Variants in NUBPL observed in about 807,000 individuals in gnomAD.
NUBPL encodes NUBP iron-sulfur cluster assembly factor, mitochondrial.
NUBPL carries 31 observed loss-of-function variants against 45.7 expected under a neutral mutation model. That is an observed-to-expected ratio of 0.68 (90% CI 0.51 to 0.92). The LOEUF (loss-of-function observed/expected upper bound fraction) is 0.92. Ranked by LOEUF, NUBPL falls within the 40% of genes least tolerant of loss-of-function variation. The pLI, the probability that NUBPL is intolerant of heterozygous loss-of-function variation, is 0.00. For missense variants in NUBPL, 401 were observed against 398.7 expected, an observed-to-expected ratio of 1.01 and a Z score of -0.05; for synonymous variants, 144 against 140.9, an observed-to-expected ratio of 1.02 and a Z score of -0.15.
intron 6 of NUBPL, among the ~76,000 whole-genome samples, chr14:31,743,545 A>G (rs901410330): frequency 1.3e-5 from 2 of 151,934 alleles, no homozygotes; most frequent in Non-Finnish European, 2.9e-5. Context: ...ACGCCCAGCT[A>G]ATTTTTGTAT....
chr14:31,633,359 T>A (rs1313411581), intron 4 of NUBPL, among the ~76,000 whole-genome samples: 1 of 152,204 alleles, frequency 6.6e-6, no homozygotes, highest in Non-Finnish European at 1.5e-5. Context: ...TTTTAAAAAA[T>A]TTCAGAAACA....
intron 4 of NUBPL, among the ~76,000 whole-genome samples, chr14:31,645,866 G>T (rs773794106): frequency 1.4e-5 from 2 of 138,622 alleles, no homozygotes; most frequent in Non-Finnish European, 3.0e-5. Context: ...TACTGTTTTC[G>T]ATAGATTTCT....
At chr14:31,683,789 G>A (rs2036893091) in intron 6 of NUBPL, among the ~76,000 whole-genome samples, 1 of 151,872 alleles carries the variant, frequency 6.6e-6, no homozygotes, top group South Asian at 2.1e-4. Context: ...TGGGTCTGCT[G>A]GTGATGAATT....
chr14:31,850,731 G>A (rs1459222232), intron 10 of NUBPL, among the ~76,000 whole-genome samples: 5 of 151,676 alleles, frequency 3.3e-5, no homozygotes, highest in Admixed American at 2.0e-4. Context: ...AGCAATCTTC[G>A]CATCTCACCC....
At chr14:31,826,299 T>G (rs932071281) in intron 7 of NUBPL, among the ~76,000 whole-genome samples, 1 of 151,868 alleles carries the variant, frequency 6.6e-6, no homozygotes, top group Non-Finnish European at 1.5e-5. Flanking sequence ...TTTTGTATTT[T>G]TAGTAGTTAC....
At chr14:31,700,606 G>A (rs1239637035) in intron 6 of NUBPL, among the ~76,000 whole-genome samples, 2 of 152,176 alleles carry the variant, frequency 1.3e-5, no homozygotes, top group East Asian at 3.9e-4. Context: ...CGAGTTCCGG[G>A]TGGGCGCAGG....
intron 3 of NUBPL, among the ~76,000 whole-genome samples, chr14:31,573,715 T>C (rs1450547384): frequency 1.2e-4 from 18 of 152,236 alleles, no homozygotes; most frequent in Admixed American, 1.2e-3. Flanking sequence ...ATTGTGGATC[T>C]TCTGTGATGA....
chr14:31,700,478 G>A (rs2037306395), intron 6 of NUBPL, among the ~76,000 whole-genome samples: 1 of 152,210 alleles, frequency 6.6e-6, no homozygotes, highest in African/African-American at 2.4e-5. Context: ...CTGCTGCACT[G>A]TGGGAGCCCC....
intron 6 of NUBPL, among the ~76,000 whole-genome samples, chr14:31,677,474 G>C (rs1206433009): frequency 2.0e-5 from 3 of 152,198 alleles, no homozygotes; most frequent in Non-Finnish European, 2.9e-5. Flanking sequence ...TCAGATATTT[G>C]AGAGGACTTG....
At chr14:31,617,410 G>C (rs1421112499) in intron 4 of NUBPL, among the ~76,000 whole-genome samples, 2 of 152,138 alleles carry the variant, frequency 1.3e-5, no homozygotes, top group African/African-American at 2.4e-5. Context: ...TTGGCTGTGG[G>C]TTTGTCATAA....
chr14:31,610,499 A>G (rs774797357), intron 4 of NUBPL, among the ~76,000 whole-genome samples: 1 of 151,460 alleles, frequency 6.6e-6, no homozygotes, highest in Non-Finnish European at 1.5e-5. Context: ...TAAAGAACCA[A>G]TACCAATCCT....
At chr14:31,710,779 C>T (rs1247373215) in intron 6 of NUBPL, among the ~76,000 whole-genome samples, 3 of 152,194 alleles carry the variant, frequency 2.0e-5, no homozygotes. Flanking sequence ...ATTTCTGAGG[C>T]TCCCCATATC....
At chr14:31,849,075 C>T (rs1002358862) in intron 9 of NUBPL, among the ~76,000 whole-genome samples, 2 of 152,136 alleles carry the variant, frequency 1.3e-5, no homozygotes, top group East Asian at 1.9e-4. Flanking sequence ...GTCATTTGGC[C>T]GTTGGATATT....
intron 6 of NUBPL, among the ~76,000 whole-genome samples, chr14:31,689,077 A>G (rs1275268974): frequency 2.0e-5 from 3 of 151,630 alleles, no homozygotes; most frequent in African/African-American, 7.3e-5. Flanking sequence ...ATTGATAGGC[A>G]TTTAGGTTGA....
intron 4 of NUBPL, among the ~76,000 whole-genome samples, chr14:31,616,497 G>GCT (rs1555318088): frequency 6.6e-6 from 1 of 150,848 alleles, no homozygotes; most frequent in Admixed American, 6.6e-5. Flanking sequence ...TGGCTAGCCA[G>GCT]TTTTTTTTTA....
chr14:31,798,887 C>T (rs750737451), intron 7 of NUBPL, among the ~76,000 whole-genome samples: 1 of 151,076 alleles, frequency 6.6e-6, no homozygotes, highest in Non-Finnish European at 1.5e-5. Flanking sequence ...TCTCTCCTTA[C>T]CTGTGGAAAA....
At chr14:31,685,945 C>T (rs1024123335) in intron 6 of NUBPL, among the ~76,000 whole-genome samples, 18 of 152,274 alleles carry the variant, frequency 1.2e-4, no homozygotes, top group African/African-American at 4.3e-4. Flanking sequence ...AAGGAATTCA[C>T]ATTTTAATTA....
At position 31,562,035 on chromosome 14, in the gene NUBPL, A is replaced by T. The variant is rs908186443; in HGVS notation, c.109-33A>T. ...GTGTGATGATGGAGATGGCTTATTTAAAACGGCTTTTTATTATTATTATTT... is the reference window on the plus strand; with the variant it reads ...GTGTGATGATGGAGATGGCTTATTTTAAACGGCTTTTTATTATTATTATTT... On this transcript the variant is annotated intron_variant, in intron 1 of 10. Coordinates refer to ENST00000281081, the MANE Select transcript of NUBPL (RefSeq NM_025152.3). 19 of 1,549,094 alleles carry T rather than the reference A, an allele frequency of 1.2e-5. No homozygotes were observed. In the Admixed American group the frequency reaches 1.4e-4, roughly 11 times the overall value.
chr14:31,588,694 A>G (rs1332751901), intron 3 of NUBPL, among the ~76,000 whole-genome samples: 1 of 151,936 alleles, frequency 6.6e-6, no homozygotes, highest in Non-Finnish European at 1.5e-5. Flanking sequence ...AGGTGGGCAG[A>G]TTACGAGGTC....
Sources: gnomAD v4.1 joint callset for allele counts (sites outside exome capture counted in the v4.1 genomes callset) on GRCh38, gnomAD v4.1.1 for gene constraint, MANE v1.5 for transcripts, NCBI Gene and HGNC (gene_info 2026-07-23, HGNC 2026-07-21) for gene names.